Variants in PRSS23 observed in about 807,000 individuals in gnomAD.
PRSS23 encodes serine protease 23.
In PRSS23, 25 loss-of-function variants were observed where a neutral mutation model predicts 34.7. The ratio of observed to expected loss-of-function variants is 0.72; its 90% confidence interval spans 0.53 to 1.01. PRSS23 has a LOEUF of 1.01. Among genes scored for constraint, PRSS23 ranks in the 50% least tolerant of loss-of-function variants. PRSS23 has a pLI of 0.00. For synonymous variants in PRSS23, 176 were observed against 186.6 expected, an observed-to-expected ratio of 0.94 and a Z score of 0.46; for missense variants, 445 against 475.6, an observed-to-expected ratio of 0.94 and a Z score of 0.60.
chr11:86,923,302 AT>A (rs1270350821), intron 2 of PRSS23, among the ~76,000 whole-genome samples: 1 of 151,950 alleles, frequency 6.6e-6, no homozygotes, highest in Non-Finnish European at 1.5e-5. Context: ...TTTTTAAAAT[AT>A]TTTTGTAGAG....
At position 86,916,403 on chromosome 11, in the gene PRSS23, C is replaced by G. The variant is rs549291866; in HGVS notation, c.207-34813C>G. Among the ~76,000 whole-genome samples, 10 of 152,266 alleles carry G rather than the reference C, an allele frequency of 6.6e-5. No homozygotes were observed. In the East Asian group the frequency reaches 1.9e-3, roughly 29 times the overall value. On this transcript the variant is annotated intron_variant, in intron 2 of 2. Coordinates refer to the PRSS23 transcript ENST00000533902. ...TCTTATTTGCTGTTCCCCAAATCCA[C>G]CTCTGGCTTTACCCCTGGGAAAATG...
chr11:86,903,583 T>C (rs1404559800), intron 2 of PRSS23, among the ~76,000 whole-genome samples: 1 of 150,576 alleles, frequency 6.6e-6, no homozygotes, highest in Admixed American at 6.7e-5. Flanking sequence ...CCTGGGTTCA[T>C]GCCATTCTCC....
chr11:86,928,712 AAGAC>A, intron 2 of PRSS23, among the ~76,000 whole-genome samples: 3 of 79,818 alleles, frequency 3.8e-5, no homozygotes, highest in Non-Finnish European at 2.7e-5. Flanking sequence ...AAAAATTGGC[AAGAC>A]ATATACAGCA....
Position 86,884,592 on chromosome 11 carries a change from A to T in PRSS23, c.206+60999A>T, listed in dbSNP as rs71465668. Among the ~76,000 whole-genome samples, 633 of 152,218 alleles carry T rather than the reference A, an allele frequency of 4.2e-3. 1 individual carries two copies. The highest frequency in any genetic ancestry group is 5.8e-3 in the Non-Finnish European group (396 of 67,996). On this transcript the variant is annotated intron_variant, in intron 2 of 2. Transcript: ENST00000533902. ...GCTGGGATTACAGGCGTAAGCCACC[A>T]CACCCAGTCTTGCACTCATATTTGA... is the stretch of plus-strand genomic sequence containing the variant.
chr11:86,807,077 G>T (rs986762689), intron 1 of PRSS23, among the ~76,000 whole-genome samples: 5 of 152,138 alleles, frequency 3.3e-5, no homozygotes, highest in African/African-American at 1.2e-4. Flanking sequence ...AAAACCACAG[G>T]AGTGGTGGTA....
intron 2 of PRSS23, among the ~76,000 whole-genome samples, chr11:86,879,022 G>A (rs1206870130): frequency 7.1e-6 from 1 of 141,490 alleles, no homozygotes; most frequent in African/African-American, 2.6e-5. Flanking sequence ...AGTGAGGAGC[G>A]TCTCTGCCCG....
intron 2 of PRSS23, among the ~76,000 whole-genome samples, chr11:86,908,119 C>T (rs893709892): frequency 6.6e-5 from 10 of 152,166 alleles, no homozygotes; most frequent in Non-Finnish European, 2.9e-5. Context: ...TATCTACAGA[C>T]ATTTAGGTTG....
chr11:86,861,216 C>T (rs117131836), intron 2 of PRSS23, among the ~76,000 whole-genome samples: 4 of 136,070 alleles, frequency 2.9e-5, no homozygotes, highest in East Asian at 2.5e-4. Context: ...TGATATGATC[C>T]GTAATATCCA....
At chr11:86,800,458 C>G (rs1948018144), upstream of PRSS23, 13 of 983,814 alleles carry the variant, frequency 1.3e-5, no homozygotes, top group African/African-American at 1.7e-5. Flanking sequence ...CGCGGCTTCC[C>G]CGAGGCCGGA....
chr11:86,924,566 A>G (rs927005029), intron 2 of PRSS23, among the ~76,000 whole-genome samples: 1 of 152,224 alleles, frequency 6.6e-6, no homozygotes, highest in Admixed American at 6.5e-5. Context: ...CCTGGGTTCA[A>G]TTCTTGGCTC....
chr11:86,920,085 G>A (rs1661942099), intron 2 of PRSS23, among the ~76,000 whole-genome samples: 1 of 152,192 alleles, frequency 6.6e-6, no homozygotes, highest in Admixed American at 6.5e-5. Flanking sequence ...AGCCCCAGGT[G>A]TTTTTTAGGG....
chr11:86,876,311 A>G (rs1426084452), intron 2 of PRSS23, among the ~76,000 whole-genome samples: 2 of 152,226 alleles, frequency 1.3e-5, no homozygotes, highest in Non-Finnish European at 2.9e-5. Context: ...AACATAGTTG[A>G]TTAAAGGACT....
intron 2 of PRSS23, among the ~76,000 whole-genome samples, chr11:86,828,063 C>G (rs1437304537): frequency 1.3e-5 from 2 of 152,144 alleles, no homozygotes; most frequent in Non-Finnish European, 2.9e-5. Context: ...AACTTTCTGT[C>G]TCATTGATCT....
chr11:86,931,199 T>C (rs1172327445), intron 2 of PRSS23, among the ~76,000 whole-genome samples: 14 of 152,196 alleles, frequency 9.2e-5, no homozygotes, highest in Admixed American at 9.2e-4. Context: ...AAGTTAAACA[T>C]ACATCTACCC....
intron 2 of PRSS23, chr11:86,947,226 CAAACAAACAACA>C: frequency 6.0e-6 from 1 of 165,994 alleles, no homozygotes. Flanking sequence ...AACAAACAAA[CAAACAAACAACA>C]AAAAAAAGGT....
chr11:86,844,250 C>T (rs72969450), intron 2 of PRSS23, among the ~76,000 whole-genome samples: 4,553 of 152,124 alleles, frequency 0.03, 111 homozygotes, highest in Non-Finnish European at 0.046. Flanking sequence ...CATCACACAC[C>T]GGGGCCTGTC....
At chr11:86,847,677 C>G (rs1333036413) in intron 2 of PRSS23, among the ~76,000 whole-genome samples, 1 of 152,122 alleles carries the variant, frequency 6.6e-6, no homozygotes, top group Admixed American at 6.5e-5. Context: ...GACCCTGAAA[C>G]CTTAAAAAAG....
chr11:86,807,794 C>A lies in PRSS23; in HGVS notation c.151C>A (p.Pro51Thr). Residue 51 changes from proline (P) to threonine (T), a missense_variant, in exon 2 of 2, where the codon CCA (proline) becomes ACA (threonine). Physicochemically the swap from Pro to Thr is conservative, Grantham distance 38. Transcript: ENST00000280258. ...LPQSTLNLAK[P>T]DFGAEAKLEV... ...CCAGTCTACCCTCAATTTAGCCAAG[C>A]CAGACTTTGGAGCCGAAGCCAAATT... 1 of 1,614,168 alleles carries A rather than the reference C, an allele frequency of 6.2e-7. No individual in the cohort carries two copies. Among genetic ancestry groups the A allele is most frequent in the Non-Finnish European group, 8.5e-7 (1 of 1,180,020 alleles).
chr11:86,910,202 T>G (rs1948968532), intron 2 of PRSS23: 1 of 152,248 alleles, frequency 6.6e-6, no homozygotes, highest in Non-Finnish European at 1.5e-5. Context: ...AGAAATCGTA[T>G]GATGGGGTAA....
Sources: allele counts gnomAD v4.1 joint callset (sites outside exome capture counted in the v4.1 genomes callset), GRCh38; gene constraint gnomAD v4.1.1; transcripts MANE v1.5; gene names NCBI Gene and HGNC (gene_info 2026-07-23, HGNC 2026-07-21).